PTN: variants seen among roughly 807,000 people sequenced by gnomAD.
PTN encodes the protein heparin affin regulatory protein.
In PTN, 18 loss-of-function variants were observed where a neutral mutation model predicts 24.1. That is an observed-to-expected ratio of 0.75 (90% CI 0.52 to 1.11). The LOEUF (loss-of-function observed/expected upper bound fraction) is 1.11, where lower values mean the gene tolerates loss of function less well. Ranked by LOEUF, PTN falls within the 50% of genes least tolerant of loss-of-function variation. The pLI, the probability that PTN is intolerant of heterozygous loss-of-function variation, is 0.00. For missense variants in PTN, 163 were observed against 198.8 expected (o/e 0.82, Z 1.08); for synonymous variants, 78 against 68.6 (o/e 1.14, Z -0.67).
chr7:137,282,481 C>T (rs1214435948), intron 1 of PTN, among the ~76,000 whole-genome samples: 2 of 152,062 alleles, frequency 1.3e-5, no homozygotes, highest in Non-Finnish European at 2.9e-5. Context: ...AGCAGAGAAG[C>T]AGAACAGAGA....
chr7:137,254,247 A>T (rs1285725850), intron 2 of PTN, among the ~76,000 whole-genome samples: 1 of 151,592 alleles, frequency 6.6e-6, no homozygotes, highest in African/African-American at 2.4e-5. Flanking sequence ...CAGTGAGTTG[A>T]GATCGCACCA....
chr7:137,266,257 C>T (rs1340587142), intron 1 of PTN, among the ~76,000 whole-genome samples: 2 of 152,226 alleles, frequency 1.3e-5, no homozygotes, highest in Admixed American at 1.3e-4. Flanking sequence ...TTACAATTAA[C>T]GTTTTAAAAC....
In PTN at chr7:137,253,522, C is replaced by T; in HGVS notation, c.231G>A (p.Lys77=). 2 of 1,612,346 alleles carry T rather than the reference C, an allele frequency of 1.2e-6. No individual in the cohort carries two copies. Among genetic ancestry groups the T allele is most frequent in the East Asian group, 2.2e-5 (1 of 44,854 alleles). The change falls in exon 3 of 5, where the codon AAG becomes AAA. Residue 77 remains lysine, a synonymous_variant. Transcript: ENST00000348225. ...REGTRTGAEC[K]QTMKTQRCKI... is the part of the protein sequence containing the mutation. ...TACATCTCTGGGTCTTCATGGTTTG[C>T]TTGCACTCAGCTCCAGTCCGAGTGC...
chr7:137,334,592 A>G (rs1162024), intron 1 of PTN, among the ~76,000 whole-genome samples: 14,092 of 82,858 alleles, frequency 0.17, 596 homozygotes, highest in Non-Finnish European at 0.21. Flanking sequence ...TACACTGTTG[A>G]TGGGACTGTA....
At chr7:137,324,433 A>AAAAAATAT in intron 1 of PTN, among the ~76,000 whole-genome samples, 18,338 of 88,374 alleles carry the variant, frequency 0.21, 2,577 homozygotes, top group East Asian at 0.33. Context: ...AAAAAAAAAA[A>AAAAAATAT]ATATATATAT....
At chr7:137,279,354 T>A (rs952477002) in intron 1 of PTN, among the ~76,000 whole-genome samples, 2 of 152,186 alleles carry the variant, frequency 1.3e-5, no homozygotes, top group Non-Finnish European at 2.9e-5. Flanking sequence ...TTGATCACAC[T>A]CAATATTATT....
intron 1 of PTN, among the ~76,000 whole-genome samples, chr7:137,274,748 T>TCTGTAC (rs1386597452): frequency 6.6e-6 from 1 of 152,226 alleles, no homozygotes; most frequent in Non-Finnish European, 1.5e-5. Context: ...TTCTGTACTT[T>TCTGTAC]ATAAAGTCTG....
chr7:137,280,699 CAAAAAAAAAAAAA>C (rs58738876), intron 1 of PTN, among the ~76,000 whole-genome samples: 29 of 44,350 alleles, frequency 6.5e-4, no homozygotes, highest in African/African-American at 1.4e-3. Flanking sequence ...ACTAAAAATA[CAAAAAAAAAAAAA>C]AAAAAAAAAA....
chr7:137,287,182 A>T (rs1460876131), intron 1 of PTN, among the ~76,000 whole-genome samples: 3 of 152,192 alleles, frequency 2.0e-5, no homozygotes, highest in Non-Finnish European at 4.4e-5. Flanking sequence ...CCCCCAGATG[A>T]TGTGATATGT....
intron 4 of PTN, among the ~76,000 whole-genome samples, chr7:137,235,608 G>A (rs913067102): frequency 6.6e-6 from 1 of 152,052 alleles, no homozygotes; most frequent in Non-Finnish European, 1.5e-5. Context: ...TTCCTATTTT[G>A]TAGCATCAAT....
chr7:137,302,215 T>C (rs1809817104), intron 1 of PTN, among the ~76,000 whole-genome samples: 1 of 152,008 alleles, frequency 6.6e-6, no homozygotes, highest in Non-Finnish European at 1.5e-5. Flanking sequence ...GTTATCCCCA[T>C]CTTCCAGACG....
chr7:137,319,096 A>G (rs961563124), intron 1 of PTN, among the ~76,000 whole-genome samples: 2 of 152,202 alleles, frequency 1.3e-5, no homozygotes, highest in African/African-American at 4.8e-5. Flanking sequence ...CTCTAGTTCA[A>G]CAGACACCAC....
intron 1 of PTN, among the ~76,000 whole-genome samples, chr7:137,305,472 G>T (rs1274449395): frequency 6.6e-6 from 1 of 152,052 alleles, no homozygotes; most frequent in Non-Finnish European, 1.5e-5. Flanking sequence ...CATTAGGGCT[G>T]CATAAAGATT....
chr7:137,276,896 C>G (rs1809369670), intron 1 of PTN, among the ~76,000 whole-genome samples: 1 of 151,990 alleles, frequency 6.6e-6, no homozygotes, highest in South Asian at 2.1e-4. Flanking sequence ...AATATCAGAG[C>G]CTTAATGAAA....
Position 137,233,233 on chromosome 7 carries a change from T to G in PTN, c.452-5158A>C, listed in dbSNP as rs370684036. ...TCATGAAGTTTTGTTAGAATCATAC[T>G]AAGAACTAAGCCCTAATCTAGAGAA... On this transcript the variant is annotated intron_variant, in intron 4 of 4. Transcript: ENST00000348225. 4.6e-5 allele frequency among the ~76,000 whole-genome samples: 7 copies of G among 152,076 alleles called. No homozygotes were observed. The East Asian group carries it at 9.7e-4, about 21-fold the overall frequency.
chr7:137,304,071 C>T lies in PTN; in HGVS notation c.-2+39368G>A, dbSNP rs79746600. 4.1e-3 allele frequency among the ~76,000 whole-genome samples: 627 copies of T among 152,084 alleles called. 1 individual carries two copies. Among genetic ancestry groups the T allele is most frequent in the African/African-American group, 0.011 (455 of 41,506 alleles). ...GTCCAACCCTTGGGAAGATATGCAG[C>T]GTGGTTCAAAGAATAATGACTCCCA... On this transcript the variant is annotated intron_variant, in intron 1 of 4. Transcript: ENST00000348225.
At chr7:137,321,718 G>A (rs1810166047) in intron 1 of PTN, among the ~76,000 whole-genome samples, 1 of 152,028 alleles carries the variant, frequency 6.6e-6, no homozygotes, top group Non-Finnish European at 1.5e-5. Flanking sequence ...ACAGCCTTTG[G>A]AATTCAAATA....
chr7:137,245,878 T>C (rs1284055954), intron 4 of PTN, among the ~76,000 whole-genome samples: 1 of 152,252 alleles, frequency 6.6e-6, no homozygotes, highest in South Asian at 2.1e-4. Flanking sequence ...ACGTTTGTTA[T>C]AGCTATGCAA....
At chr7:137,258,892 C>T (rs1254033273) in intron 1 of PTN, among the ~76,000 whole-genome samples, 1 of 152,002 alleles carries the variant, frequency 6.6e-6, no homozygotes, top group Non-Finnish European at 1.5e-5. Context: ...TGATCAGGAT[C>T]GTGGCATATT....
Sources: gnomAD v4.1 joint callset for allele counts (sites outside exome capture counted in the v4.1 genomes callset) on GRCh38, gnomAD v4.1.1 for gene constraint, MANE v1.5 for transcripts, NCBI Gene and HGNC (gene_info 2026-07-23, HGNC 2026-07-21) for gene names.